The following MSRA variants were observed in gnomAD, a reference collection of about 807,000 sequenced individuals.
MSRA encodes the protein methionine sulfoxide reductase A.
A neutral mutation model predicts 31.3 loss-of-function variants in MSRA; 54 were observed. The ratio of observed to expected loss-of-function variants is 1.73; its 90% CI spans 1.39 to 2.17. The LOEUF (loss-of-function observed/expected upper bound fraction) is 2.17. Among genes scored for constraint, MSRA ranks in the 30% most tolerant of loss-of-function variants. The pLI is 0.00. For missense variants in MSRA, 507 were observed against 300.9 expected, an observed-to-expected ratio of 1.69 and a Z score of -5.07; for synonymous variants, 169 against 116.5, an observed-to-expected ratio of 1.45 and a Z score of -2.90.
intron 1 of MSRA, among the ~76,000 whole-genome samples, chr8:10,165,568 C>T (rs1805054091): frequency 6.6e-6 from 1 of 152,134 alleles, no homozygotes; most frequent in African/African-American, 2.4e-5. Flanking sequence ...GGTCACCTGC[C>T]AGAAAATGAG....
intron 1 of MSRA, among the ~76,000 whole-genome samples, chr8:10,085,715 C>G (rs983515855): frequency 3.3e-5 from 5 of 152,230 alleles, no homozygotes; most frequent in African/African-American, 1.2e-4. Context: ...ACTGTCATCA[C>G]CCCCAAAAGT....
chr8:10,333,801 T>A (rs1002211411), intron 5 of MSRA, among the ~76,000 whole-genome samples: 1 of 151,618 alleles, frequency 6.6e-6, no homozygotes, highest in African/African-American at 2.4e-5. Flanking sequence ...ACGTTTCTTC[T>A]CCACCCCACC....
At chr8:10,079,464 C>G (rs1798171810) in intron 1 of MSRA, among the ~76,000 whole-genome samples, 1 of 152,102 alleles carries the variant, frequency 6.6e-6, no homozygotes, top group African/African-American at 2.4e-5. Context: ...CATGTTTGTT[C>G]TAGAAAAATA....
intron 3 of MSRA, among the ~76,000 whole-genome samples, chr8:10,283,836 T>TATATATATACAC (rs1261287031): frequency 1.1e-3 from 60 of 53,152 alleles, no homozygotes; most frequent in African/African-American, 2.7e-3. Context: ...TATATATATA[T>TATATATATACAC]ACACACACAC....
intron 1 of MSRA, among the ~76,000 whole-genome samples, chr8:10,056,680 C>G (rs1182431580): frequency 2.0e-5 from 3 of 152,214 alleles, no homozygotes; most frequent in Admixed American, 6.5e-5. Flanking sequence ...AAAGCCCTGA[C>G]TGGCTCCAGA....
chr8:10,163,568 C>G (rs935265663), intron 1 of MSRA, among the ~76,000 whole-genome samples: 2 of 152,180 alleles, frequency 1.3e-5, no homozygotes, highest in South Asian at 4.1e-4. Flanking sequence ...CTGTTTCTGC[C>G]CCACGCTGGA....
At chr8:10,319,264 A>T (rs1188863824) in intron 4 of MSRA, among the ~76,000 whole-genome samples, 2 of 152,106 alleles carry the variant, frequency 1.3e-5, no homozygotes, top group East Asian at 1.9e-4. Context: ...ATCTGTGGCA[A>T]CCCTGCGGCT....
intron 1 of MSRA, among the ~76,000 whole-genome samples, chr8:10,076,392 C>T (rs565832925): frequency 6.6e-6 from 1 of 152,322 alleles, no homozygotes; most frequent in South Asian, 2.1e-4. Flanking sequence ...ACATGGCCTT[C>T]AACTCCACCT....
intron 1 of MSRA, among the ~76,000 whole-genome samples, chr8:10,195,863 C>T (rs575395104): frequency 2.0e-5 from 3 of 152,192 alleles, no homozygotes; most frequent in East Asian, 1.9e-4. Flanking sequence ...TTCGTTTTCA[C>T]GAACGAATAG....
intron 1 of MSRA, among the ~76,000 whole-genome samples, chr8:10,075,653 G>T (rs1797961316): frequency 6.6e-6 from 1 of 152,122 alleles, no homozygotes; most frequent in Non-Finnish European, 1.5e-5. Context: ...ACATAAAAAA[G>T]ACATTGTTTT....
intron 3 of MSRA, among the ~76,000 whole-genome samples, chr8:10,279,668 A>T (rs1799514183): frequency 6.6e-6 from 1 of 152,212 alleles, no homozygotes; most frequent in Non-Finnish European, 1.5e-5. Context: ...TAACAGTTTC[A>T]TTTGGTTGAA....
At chr8:10,140,581 C>T (rs1457052048) in intron 1 of MSRA, among the ~76,000 whole-genome samples, 1 of 152,142 alleles carries the variant, frequency 6.6e-6, no homozygotes, top group Non-Finnish European at 1.5e-5. Context: ...AACAAACATA[C>T]AACCCCTACA....
intron 1 of MSRA, among the ~76,000 whole-genome samples, chr8:10,064,218 A>T (rs2128914145): frequency 6.6e-6 from 1 of 152,306 alleles, no homozygotes; most frequent in East Asian, 1.9e-4. Context: ...CTCTCCGTTC[A>T]GTGAGATACT....
At chr8:10,342,308 AT>A (rs1321162457) in intron 5 of MSRA, among the ~76,000 whole-genome samples, 2 of 152,172 alleles carry the variant, frequency 1.3e-5, no homozygotes. Context: ...CAGATTAAAA[AT>A]TAAAACTGAG....
intron 3 of MSRA, among the ~76,000 whole-genome samples, chr8:10,261,139 A>G (rs148510654): frequency 0.023 from 3,559 of 152,256 alleles, 59 homozygotes; most frequent in South Asian, 0.042. Context: ...CCAAAAAAAA[A>G]CTATAGTCTG....
At chr8:10,287,478 A>C (rs917128736) in intron 3 of MSRA, among the ~76,000 whole-genome samples, 3 of 152,222 alleles carry the variant, frequency 2.0e-5, no homozygotes, top group Non-Finnish European at 4.4e-5. Flanking sequence ...CAGAGTAACC[A>C]GGAATCTCAA....
intron 1 of MSRA, among the ~76,000 whole-genome samples, chr8:10,085,654 T>C (rs1332934929): frequency 6.6e-6 from 1 of 152,238 alleles, no homozygotes; most frequent in African/African-American, 2.4e-5. Context: ...AATTTGCTTT[T>C]TAACAAGTTT....
chr8:10,314,085 C>T (rs776470146), intron 4 of MSRA, among the ~76,000 whole-genome samples: 42 of 151,980 alleles, frequency 2.8e-4, no homozygotes, highest in Admixed American at 3.9e-4. Context: ...CCTTGGGTTT[C>T]GGAAGCATTT....
At chr8:10,142,358 G>T (rs1802792839) in intron 1 of MSRA, among the ~76,000 whole-genome samples, 1 of 152,204 alleles carries the variant, frequency 6.6e-6, no homozygotes, top group African/African-American at 2.4e-5. Flanking sequence ...AAGACCCAGA[G>T]GACTGTCTGG....
Sources: gnomAD v4.1 joint callset for allele counts (sites outside exome capture counted in the v4.1 genomes callset) on GRCh38, gnomAD v4.1.1 for gene constraint, MANE v1.5 for transcripts, NCBI Gene and HGNC (gene_info 2026-07-23, HGNC 2026-07-21) for gene names.